FCRL2: variants seen among roughly 807,000 people sequenced by gnomAD.
The protein encoded by FCRL2 is Fc receptor like 2, also known as Fc receptor-like protein 2.
In FCRL2, 48 loss-of-function variants were observed where a neutral mutation model predicts 59.8. The observed-to-expected ratio is 0.80, with a 90% CI of 0.64 to 1.02. FCRL2 has a LOEUF of 1.02. Ranked by LOEUF, FCRL2 falls within the 50% of genes least tolerant of loss-of-function variation. FCRL2 has a pLI of 0.00. For synonymous variants in FCRL2, 251 were observed against 229.5 expected (o/e 1.09, Z -0.85); for missense variants, 658 against 597.3 (o/e 1.10, Z -1.06).
At chr1:157,769,788 GA>G (rs1231136201) in intron 4 of FCRL2, 77 bp downstream of exon 4, 2 of 1,501,034 alleles carry the variant, frequency 1.3e-6, no homozygotes, top group African/African-American at 2.8e-5. Flanking sequence ...GTTGAACAAA[GA>G]AACAGACTAG....
At position 157,746,233 on chromosome 1, in the gene FCRL2, A is replaced by T; in HGVS notation, c.*503T>A. Reference sequence around the variant, plus strand: ...AGGAGGAAGGGCTCCTGCCTAACTCATTCTATGAAGCCAGCATCAGCCTGA... The same window carrying T: ...AGGAGGAAGGGCTCCTGCCTAACTCTTTCTATGAAGCCAGCATCAGCCTGA... On this transcript the variant is annotated 3_prime_UTR_variant, in exon 12 of 12. Transcript: ENST00000361516. The T allele has an allele frequency of 6.5e-6, 1 of 155,008 alleles. No homozygotes were observed. The highest frequency in any genetic ancestry group is 1.4e-5 in the Non-Finnish European group (1 of 69,800). The allele number at this position is 155,008 out of a possible 1,614,324, so 9.6% of individuals were successfully genotyped here.
At chr1:157,775,856 T>G in intron 1 of FCRL2, 61 bp from the exon 2 acceptor site, 1 of 1,574,006 alleles carries the variant, frequency 6.4e-7, no homozygotes, top group Non-Finnish European at 8.7e-7. Context: ...ATTTATAAAT[T>G]TATATTACTC....
At chr1:157,748,059 C>A (rs1472437138) in intron 10 of FCRL2, among the ~76,000 whole-genome samples, 1 of 152,056 alleles carries the variant, frequency 6.6e-6, no homozygotes, top group Non-Finnish European at 1.5e-5. Flanking sequence ...AAGAGCCTAC[C>A]TCCAGGTGTC....
In FCRL2 at chr1:157,746,631, G is replaced by T; in HGVS notation, c.*105C>A. 1 of 1,145,240 alleles carries T rather than the reference G, an allele frequency of 8.7e-7. No individual in the cohort carries two copies. The highest frequency in any genetic ancestry group is 2.4e-5 in the East Asian group (1 of 41,250). 70.9% of individuals were successfully genotyped at this position (1,145,240 alleles called of 1,614,324 possible). ...GGAGGTGCCTCCTGAGGCACGTTCT[G>T]GCTGTGGCAGGTGATAAGCCTCAAG... On this transcript the variant is annotated 3_prime_UTR_variant, in exon 12 of 12. Transcript: ENST00000361516.
intron 7 of FCRL2, among the ~76,000 whole-genome samples, chr1:157,759,486 G>T (rs1327740953): frequency 6.6e-6 from 1 of 152,064 alleles, no homozygotes; most frequent in Non-Finnish European, 1.5e-5. Flanking sequence ...CACAACAAAA[G>T]AAACTAACAA....
At chr1:157,769,629 G>A (rs1345597338) in intron 4 of FCRL2, 5 of 392,338 alleles carry the variant, frequency 1.3e-5, no homozygotes, top group African/African-American at 4.0e-5. Flanking sequence ...GGGTTTCACC[G>A]TGTTAGCCAG....
chr1:157,760,709 A>AATAAAGAAAGAAAGAG (rs2101708323), intron 7 of FCRL2, among the ~76,000 whole-genome samples: 1 of 139,684 alleles, frequency 7.2e-6, no homozygotes, highest in African/African-American at 2.8e-5. Flanking sequence ...GAAAGAAAGA[A>AATAAAGAAAGAAAGAG]AGAAAGAAAG....
intron 8 of FCRL2, 137 bp downstream of exon 8, chr1:157,749,513 C>A: frequency 1.7e-6 from 1 of 600,520 alleles, no homozygotes; most frequent in Non-Finnish European, 2.9e-6. Context: ...GCAGTAGAGA[C>A]AAGAGTAAGT....
At chr1:157,760,715 GA>G (rs1648996261) in intron 7 of FCRL2, among the ~76,000 whole-genome samples, 1 of 133,154 alleles carries the variant, frequency 7.5e-6, no homozygotes, top group African/African-American at 2.8e-5. Context: ...AAGAAAGAAA[GA>G]AAGAAAGAAA....
chr1:157,770,721 A>G, intron 2 of FCRL2, 55 bp from the exon 3 acceptor site: 1 of 1,596,920 alleles, frequency 6.3e-7, no homozygotes, highest in Non-Finnish European at 8.5e-7. Context: ...ACCCAGACAG[A>G]CTCCATTGGC....
chr1:157,768,376 G>T (rs1279509257), intron 5 of FCRL2, 38 bp downstream of exon 5: 1 of 1,591,264 alleles, frequency 6.3e-7, no homozygotes, highest in African/African-American at 1.3e-5. Context: ...ACCTTGGTCT[G>T]GGAATTTCTG....
In FCRL2 at chr1:157,749,014, AGAGGG is replaced by A. The variant is rs553325472; in HGVS notation, c.1308-59_1308-55del. 1,162 of 1,494,528 alleles carry A rather than the reference AGAGGG, an allele frequency of 7.8e-4. 8 individuals are homozygous for A. The African/African-American group carries it at 0.013, about 17-fold the overall frequency. 92.6% of individuals were successfully genotyped at this position (1,494,528 alleles called of 1,614,324 possible). A position where few individuals can be genotyped will look rare whatever the true frequency, so the allele number is the denominator to read the frequency against. ...AATCCCCAGGGCAGTGAGTGAGAACAGAGGGGAGACTGGCTGAGGAGAGAGCAGGT... is the reference window on the plus strand; with the variant it reads ...AATCCCCAGGGCAGTGAGTGAGAACAGAGACTGGCTGAGGAGAGAGCAGGT... On this transcript the variant is annotated intron_variant, in intron 8 of 11. Transcript: ENST00000361516.
chr1:157,752,303 C>A (rs1477976587), intron 7 of FCRL2, among the ~76,000 whole-genome samples: 1 of 152,188 alleles, frequency 6.6e-6, no homozygotes, highest in African/African-American at 2.4e-5. Context: ...CTCACAAGAT[C>A]TGATGGTTTT....
In FCRL2 at chr1:157,775,799, T is replaced by C. The variant is rs1553207017; in HGVS notation, c.32-4A>G. The C allele has an allele frequency of 8.1e-6, 13 of 1,613,982 alleles. No homozygotes were observed. The South Asian group carries it at 1.3e-4, about 16-fold the overall frequency. ...CCTGCCTGTTCAGTGACTGCATCTG[T>C]GAGGAGATCAAAAGCCAGAGATTAG... On this transcript the variant is annotated splice_region_variant and splice_polypyrimidine_tract_variant and intron_variant, in intron 1 of 11. Coordinates refer to ENST00000361516, the MANE Select transcript of FCRL2 (RefSeq NM_030764.4).
intron 9 of FCRL2, 72 bp downstream of exon 9, chr1:157,748,802 TA>T: frequency 6.9e-7 from 1 of 1,447,828 alleles, no homozygotes; most frequent in Non-Finnish European, 9.7e-7. Context: ...ACCACCCACC[TA>T]ATGGTCTCCG....
At position 157,767,428 on chromosome 1, in the gene FCRL2, TCA is replaced by T. The variant is rs1236365725; in HGVS notation, c.963_964del (p.Cys321Ter). ...GATTGGGGGAGAGCCTCTCAGGGCC[TCA>T]CAGTGAAGCTCCAGCAGGTCCCCCA... is the stretch of plus-strand genomic sequence containing the variant. On this transcript the variant is annotated stop_gained and frameshift_variant, in exon 6 of 12. Transcript: ENST00000361516. LOFTEE classifies it high-confidence loss of function. 2.5e-6 allele frequency: 4 copies of T among 1,614,044 alleles called. No individual in the cohort carries two copies. The South Asian group carries it at 4.4e-5, about 18-fold the overall frequency.
rs2101743656 is a variant in FCRL2, at chr1:157,768,781, C to T, written c.596-80G>A. ...GTTTGACTGATTCCATTCTCTAATGCAAAATGTGGGAATGTGGAGATTGTA... is the reference window on the plus strand; with the variant it reads ...GTTTGACTGATTCCATTCTCTAATGTAAAATGTGGGAATGTGGAGATTGTA... On this transcript the variant is annotated intron_variant, in intron 4 of 11. Coordinates refer to ENST00000361516, the MANE Select transcript of FCRL2 (RefSeq NM_030764.4). The T allele has an allele frequency of 4.5e-6, 6 of 1,345,594 alleles. No homozygotes were observed. In the South Asian group the frequency reaches 8.4e-5, roughly 19 times the overall value. The allele number at this position is 1,345,594 out of a possible 1,614,324, so 83.4% of individuals were successfully genotyped here.
intron 7 of FCRL2, among the ~76,000 whole-genome samples, chr1:157,764,370 A>T (rs1649341542): frequency 6.6e-6 from 1 of 152,246 alleles, no homozygotes; most frequent in African/African-American, 2.4e-5. Flanking sequence ...TGATACAATA[A>T]TAGTGGGGTA....
intron 7 of FCRL2, among the ~76,000 whole-genome samples, chr1:157,751,731 G>A (rs1648202750): frequency 6.6e-6 from 1 of 152,192 alleles, no homozygotes; most frequent in South Asian, 2.1e-4. Context: ...AGGGGAAGAG[G>A]AAGAAGACTT....
Sources: allele counts gnomAD v4.1 joint callset (sites outside exome capture counted in the v4.1 genomes callset), GRCh38; gene constraint gnomAD v4.1.1; transcripts MANE v1.5; gene names NCBI Gene and HGNC (gene_info 2026-07-23, HGNC 2026-07-21).